Variants in CSMD1 observed in about 807,000 individuals in gnomAD.
CSMD1 encodes CUB and Sushi multiple domains 1, also known as CUB and sushi domain-containing protein 1.
In CSMD1, 213 loss-of-function variants were observed where a neutral mutation model predicts 417.5. The ratio of observed to expected loss-of-function variants is 0.51; its 90% CI spans 0.46 to 0.57. CSMD1 has a LOEUF of 0.57. Ranked by LOEUF, CSMD1 falls within the 20% of genes least tolerant of loss-of-function variation. The pLI, the probability that CSMD1 is intolerant of heterozygous loss-of-function variation, is 0.00. For missense variants in CSMD1, 6,923 were observed against 4,529.7 expected, an observed-to-expected ratio of 1.53 and a Z score of -15.17; for synonymous variants, 2,862 against 1,736.8, an observed-to-expected ratio of 1.65 and a Z score of -16.11.
At chr8:4,139,534 A>G (rs1000914368) in intron 3 of CSMD1, among the ~76,000 whole-genome samples, 2 of 150,860 alleles carry the variant, frequency 1.3e-5, no homozygotes, top group South Asian at 4.1e-4. Flanking sequence ...GGGGAGTGGC[A>G]CTCATCCTGC....
rs188400405 is a variant in CSMD1, at chr8:4,827,138, T to G, written c.85+167194A>C. Among the ~76,000 whole-genome samples the G allele has an allele frequency of 5.6e-4, 85 of 152,234 alleles. 1 individual carries two copies. The East Asian group carries it at 0.015, about 27-fold the overall frequency. ...AGCAGAATCAATCAGCTAGAATAATTAAAACAAAGAAAACAGGTATACTAG... is the reference window on the plus strand; with the variant it reads ...AGCAGAATCAATCAGCTAGAATAATGAAAACAAAGAAAACAGGTATACTAG... On this transcript the variant is annotated intron_variant, in intron 1 of 69. Transcript: ENST00000635120.
chr8:3,840,802 T>C (rs151119156), intron 5 of CSMD1, among the ~76,000 whole-genome samples: 2,094 of 151,828 alleles, frequency 0.014, 30 homozygotes, highest in Non-Finnish European at 0.023. Flanking sequence ...TTCAAGCAAT[T>C]CTCCTGTCTC....
chr8:3,013,494 T>C (rs953133156), intron 52 of CSMD1, among the ~76,000 whole-genome samples: 11 of 152,194 alleles, frequency 7.2e-5, no homozygotes, highest in Non-Finnish European at 1.5e-4. Context: ...CTCACGCCTG[T>C]AATCCCAGCA....
chr8:3,975,339 C>T (rs185033242), intron 5 of CSMD1, among the ~76,000 whole-genome samples: 4 of 152,260 alleles, frequency 2.6e-5, no homozygotes, highest in Admixed American at 6.5e-5. Flanking sequence ...TGTTTGTGGA[C>T]ATGAACTGCA....
At chr8:3,862,877 A>G (rs766249926) in intron 5 of CSMD1, among the ~76,000 whole-genome samples, 2 of 152,104 alleles carry the variant, frequency 1.3e-5, no homozygotes, top group Non-Finnish European at 2.9e-5. Context: ...TGCTATTATT[A>G]CTGTGTCTTA....
chr8:3,246,916 G>T (rs1028162296), intron 26 of CSMD1, among the ~76,000 whole-genome samples: 4 of 152,018 alleles, frequency 2.6e-5, no homozygotes, highest in South Asian at 2.1e-4. Flanking sequence ...TTTTTTTGCT[G>T]TAGAAAAAAG....
At chr8:2,959,581 C>T (rs183508149) in intron 62 of CSMD1, among the ~76,000 whole-genome samples, 35 of 152,030 alleles carry the variant, frequency 2.3e-4, no homozygotes, top group African/African-American at 6.0e-4. Context: ...CAGAATATAC[C>T]GAGCCACTGC....
chr8:3,592,032 G>C (rs1438790778), intron 8 of CSMD1, among the ~76,000 whole-genome samples: 1 of 152,122 alleles, frequency 6.6e-6, no homozygotes, highest in Non-Finnish European at 1.5e-5. Flanking sequence ...TACATAAATA[G>C]ATGACAGACG....
chr8:4,157,786 G>T (rs1042088949), intron 3 of CSMD1, among the ~76,000 whole-genome samples: 1 of 152,176 alleles, frequency 6.6e-6, no homozygotes, highest in African/African-American at 2.4e-5. Context: ...TCACAGCTGG[G>T]TGAACTTGCC....
chr8:3,146,300 G>T (rs1262565296), intron 40 of CSMD1, among the ~76,000 whole-genome samples: 1 of 151,970 alleles, frequency 6.6e-6, no homozygotes, highest in Non-Finnish European at 1.5e-5. Context: ...AGCTCTGCCA[G>T]AGCATCACAA....
intron 5 of CSMD1, among the ~76,000 whole-genome samples, chr8:3,873,788 G>C (rs1439553917): frequency 1.3e-5 from 2 of 152,144 alleles, no homozygotes; most frequent in African/African-American, 4.8e-5. Flanking sequence ...CGTAGCCCTT[G>C]ATTAGACTGG....
intron 26 of CSMD1, among the ~76,000 whole-genome samples, chr8:3,272,206 G>C (rs1177210303): frequency 6.8e-6 from 1 of 147,102 alleles, no homozygotes; most frequent in Non-Finnish European, 1.5e-5. Context: ...CCCATTGCTT[G>C]TTTTACTCAG....
At position 4,179,705 on chromosome 8, in the gene CSMD1, C is replaced by G. The variant is rs568834320; in HGVS notation, c.416-147606G>C. 3.7e-3 allele frequency among the ~76,000 whole-genome samples: 565 copies of G among 151,556 alleles called. 2 individuals carry two copies. Among genetic ancestry groups the G allele is most frequent in the Non-Finnish European group, 6.1e-3 (416 of 67,948 alleles). ...CTGACAAAGGGCTAATATCCAGAAT[C>G]TACAATGAACTCCAACAAATTTACA... On this transcript the variant is annotated intron_variant, in intron 3 of 69. Transcript: ENST00000635120.
At chr8:3,792,284 C>T (rs1799794696) in intron 5 of CSMD1, among the ~76,000 whole-genome samples, 1 of 151,808 alleles carries the variant, frequency 6.6e-6, no homozygotes, top group African/African-American at 2.4e-5. Context: ...CAGAGAGAGA[C>T]CTGGTCTCAA....
chr8:3,277,807 T>A (rs763352204), intron 26 of CSMD1, among the ~76,000 whole-genome samples: 11 of 152,154 alleles, frequency 7.2e-5, no homozygotes, highest in Non-Finnish European at 1.5e-4. Context: ...ATTTATTAAC[T>A]AGTAATGGGA....
At chr8:3,621,897 T>C (rs11786532) in intron 7 of CSMD1, among the ~76,000 whole-genome samples, 8,002 of 152,090 alleles carry the variant, frequency 0.053, 411 homozygotes, top group East Asian at 0.29. Flanking sequence ...TAAGTTATCG[T>C]GTCCAACCAG....
chr8:3,612,273 C>T (rs1468978311), intron 8 of CSMD1, among the ~76,000 whole-genome samples: 6 of 152,046 alleles, frequency 3.9e-5, no homozygotes, highest in African/African-American at 7.2e-5. Context: ...TAAACATTTG[C>T]GTACCTAATT....
intron 2 of CSMD1, among the ~76,000 whole-genome samples, chr8:4,621,172 A>C (rs1244784642): frequency 6.6e-6 from 1 of 152,088 alleles, no homozygotes; most frequent in African/African-American, 2.4e-5. Flanking sequence ...GAATATATGC[A>C]GACCTATAAA....
intron 4 of CSMD1, among the ~76,000 whole-genome samples, chr8:4,016,137 T>C (rs575594661): frequency 3.3e-5 from 5 of 152,248 alleles, no homozygotes; most frequent in South Asian, 4.1e-4. Context: ...ATATAAAACA[T>C]TTTAGATAGG....
Sources: allele counts gnomAD v4.1 joint callset (sites outside exome capture counted in the v4.1 genomes callset), GRCh38; gene constraint gnomAD v4.1.1; transcripts MANE v1.5; gene names NCBI Gene and HGNC (gene_info 2026-07-23, HGNC 2026-07-21).